The following TENM2 variants were observed in gnomAD, a reference collection of about 807,000 sequenced individuals.
TENM2 encodes teneurin-2.
Under a neutral mutation model 245.2 loss-of-function variants are expected in TENM2, and 52 were observed. The observed-to-expected ratio is 0.21, with a 90% confidence interval of 0.17 to 0.27. The LOEUF (loss-of-function observed/expected upper bound fraction) is 0.27, where lower values mean the gene tolerates loss of function less well. Among genes scored for constraint, TENM2 ranks in the 10% least tolerant of loss-of-function variants. The pLI is 1.00. For synonymous variants in TENM2, 1,363 were observed against 1,438.9 expected (o/e 0.95, Z 1.19); for missense variants, 3,046 against 3,666.8 (o/e 0.83, Z 4.37).
intron 2 of TENM2, among the ~76,000 whole-genome samples, chr5:167,448,774 A>T (rs1765382182): frequency 1.3e-5 from 2 of 152,048 alleles, no homozygotes; most frequent in African/African-American, 4.8e-5. Flanking sequence ...AATTTCAGTA[A>T]TATCACTTTA....
chr5:167,502,586 A>G (rs1769280697), intron 2 of TENM2, among the ~76,000 whole-genome samples: 1 of 152,196 alleles, frequency 6.6e-6, no homozygotes, highest in Non-Finnish European at 1.5e-5. Context: ...TTCACCATCT[A>G]TAATGGAGTA....
chr5:167,229,991 G>A, the TENM2 span, among the ~76,000 whole-genome samples: 1 of 152,176 alleles, frequency 6.6e-6, no homozygotes, highest in Non-Finnish European at 1.5e-5. Flanking sequence ...CAGGGCATAT[G>A]GGAATGTGTA....
chr5:167,437,687 C>T (rs1422137840), intron 2 of TENM2, among the ~76,000 whole-genome samples: 1 of 151,986 alleles, frequency 6.6e-6, no homozygotes, highest in African/African-American at 2.4e-5. Flanking sequence ...GGTGGGAGGT[C>T]ATTGAATTAC....
rs753220533 is a variant in TENM2 at position 167,810,619 on chromosome 5, AG to A, written c.503-65365del. The stretch of plus-strand genomic sequence containing the variant: ...GGAAGGTCAAGAGAGGTGGAGAGAG[AG>A]GAAAAAAAAAAAGAAAACTCTAATT... On this transcript the variant is annotated intron_variant, in intron 2 of 28. Transcript: ENST00000518659. Among the ~76,000 whole-genome samples, 6 of 151,660 alleles carry A rather than the reference AG, an allele frequency of 4.0e-5. No individual in the cohort carries two copies. The South Asian group carries it at 8.4e-4, about 21-fold the overall frequency.
chr5:167,408,503 C>T (rs1366332771), intron 2 of TENM2, among the ~76,000 whole-genome samples: 1 of 151,970 alleles, frequency 6.6e-6, no homozygotes, highest in Non-Finnish European at 1.5e-5. Context: ...TTATTCTTGA[C>T]ATGTTACTCT....
At chr5:167,563,154 G>T (rs1562057707) in intron 2 of TENM2, among the ~76,000 whole-genome samples, 1 of 151,954 alleles carries the variant, frequency 6.6e-6, no homozygotes, top group Non-Finnish European at 1.5e-5. Context: ...TTTATTTTTA[G>T]GCTTTTCCTG....
the TENM2 span, among the ~76,000 whole-genome samples, chr5:167,095,971 C>T: frequency 2.0e-5 from 3 of 151,980 alleles, no homozygotes; most frequent in African/African-American, 7.2e-5. Flanking sequence ...GGGGTTTCAC[C>T]ATGTTGACCA....
the TENM2 span, among the ~76,000 whole-genome samples, chr5:167,055,586 T>A: frequency 1.3e-5 from 2 of 152,122 alleles, no homozygotes; most frequent in Non-Finnish European, 2.9e-5. Context: ...ATATCTTTCA[T>A]AAGCATTTTG....
At chr5:167,322,612 T>A (rs919738409) in intron 1 of TENM2, among the ~76,000 whole-genome samples, 9 of 152,296 alleles carry the variant, frequency 5.9e-5, no homozygotes, top group Middle Eastern at 3.4e-3. Context: ...CCTTTTTTTT[T>A]AAATCTCCCC....
chr5:167,280,193 C>G (rs942815108), upstream of TENM2, among the ~76,000 whole-genome samples: 1 of 152,148 alleles, frequency 6.6e-6, no homozygotes, highest in African/African-American at 2.4e-5. Flanking sequence ...AGTTCTGGCT[C>G]CCCATGAGAC....
At chr5:167,580,829 A>C (rs1216893769) in intron 2 of TENM2, among the ~76,000 whole-genome samples, 1 of 152,220 alleles carries the variant, frequency 6.6e-6, no homozygotes, top group Non-Finnish European at 1.5e-5. Context: ...TCTCTACAAC[A>C]AATACAAAAA....
intron 2 of TENM2, among the ~76,000 whole-genome samples, chr5:167,853,231 A>C: frequency 7.4e-6 from 1 of 134,730 alleles, no homozygotes; most frequent in Non-Finnish European, 1.6e-5. Flanking sequence ...TGGAGCTTGC[A>C]GTGAGCCGAG....
chr5:168,058,528 G>A (rs1789759280), intron 6 of TENM2, among the ~76,000 whole-genome samples: 1 of 152,152 alleles, frequency 6.6e-6, no homozygotes, highest in African/African-American at 2.4e-5. Context: ...ACAGTGGTTG[G>A]GGTGGTATTG....
intron 2 of TENM2, among the ~76,000 whole-genome samples, chr5:167,393,626 G>A (rs1216453926): frequency 6.6e-6 from 1 of 152,152 alleles, no homozygotes; most frequent in Non-Finnish European, 1.5e-5. Flanking sequence ...GGGTGTCACA[G>A]ATTATTTAAA....
chr5:168,178,905 C>T (rs757460308), intron 13 of TENM2, among the ~76,000 whole-genome samples: 9 of 151,988 alleles, frequency 5.9e-5, no homozygotes, highest in South Asian at 2.1e-4. Flanking sequence ...GAGGCCGAGG[C>T]GGATGGATCA....
rs565320592 is a variant in TENM2, at chr5:167,936,277, A to C, written c.713-16311A>C. ...GAAGCCGACAGCTTTGTACAGTGAA[A>C]CCATTCATTCTCCTTTCTACACAGT... is the stretch of plus-strand genomic sequence containing the variant. On this transcript the variant is annotated intron_variant, in intron 3 of 28. Transcript: ENST00000518659. 2.6e-5 allele frequency among the ~76,000 whole-genome samples: 4 copies of C among 152,336 alleles called. No homozygotes were observed. The South Asian group carries it at 6.2e-4, about 24-fold the overall frequency.
intron 7 of TENM2, among the ~76,000 whole-genome samples, chr5:168,082,453 T>A (rs1792089031): frequency 3.9e-5 from 6 of 152,218 alleles, no homozygotes; most frequent in African/African-American, 1.4e-4. Flanking sequence ...AAAGCCATTC[T>A]CCGTCCAGCT....
intron 4 of TENM2, among the ~76,000 whole-genome samples, chr5:167,956,423 A>T (rs1583480777): frequency 6.6e-6 from 1 of 152,294 alleles, no homozygotes; most frequent in East Asian, 1.9e-4. Flanking sequence ...GCAAACAGAA[A>T]CAATTTGACC....
chr5:167,817,845 C>A (rs1332623700), intron 2 of TENM2, among the ~76,000 whole-genome samples: 2 of 152,124 alleles, frequency 1.3e-5, no homozygotes. Context: ...TGTTCCAGCC[C>A]AGCTCTGCTG....
Sources: gnomAD v4.1 joint callset for allele counts (sites outside exome capture counted in the v4.1 genomes callset) on GRCh38, gnomAD v4.1.1 for gene constraint, MANE v1.5 for transcripts, NCBI Gene and HGNC (gene_info 2026-07-23, HGNC 2026-07-21) for gene names.